HEPACAM2: variants seen among roughly 807,000 people sequenced by gnomAD.
HEPACAM2 encodes HEPACAM family member 2.
In HEPACAM2, 49 loss-of-function variants were observed where a neutral mutation model predicts 49.6. The observed-to-expected ratio is 0.99, with a 90% CI of 0.78 to 1.25. The LOEUF (loss-of-function observed/expected upper bound fraction) is 1.25, where lower values mean the gene tolerates loss of function less well. HEPACAM2 is among the 50% of genes most tolerant of loss of function. The pLI is 0.00. For missense variants in HEPACAM2, 525 were observed against 557.2 expected, an observed-to-expected ratio of 0.94 and a Z score of 0.58; for synonymous variants, 197 against 202.9, an observed-to-expected ratio of 0.97 and a Z score of 0.25.
At chr7:93,210,518 C>T (rs1794151847) in intron 3 of HEPACAM2, among the ~76,000 whole-genome samples, 2 of 151,806 alleles carry the variant, frequency 1.3e-5, no homozygotes, top group Non-Finnish European at 2.9e-5. Flanking sequence ...ACTAGTTCTA[C>T]AATCAATTAC....
chr7:93,203,478 A>T (rs575204773), intron 4 of HEPACAM2, among the ~76,000 whole-genome samples: 13 of 152,212 alleles, frequency 8.5e-5, no homozygotes, highest in Non-Finnish European at 1.5e-4. Context: ...ATGTATAGGG[A>T]TCACTTCTGC....
At chr7:93,195,777 TG>T in intron 8 of HEPACAM2, 50 bp downstream of exon 8, 1 of 1,396,266 alleles carries the variant, frequency 7.2e-7, no homozygotes, top group Non-Finnish European at 1.0e-6. Flanking sequence ...TTTACACCTC[TG>T]GTGAAGCAGA....
intron 4 of HEPACAM2, among the ~76,000 whole-genome samples, chr7:93,200,169 ATTAG>A (rs1200407598): frequency 2.0e-5 from 3 of 152,082 alleles, no homozygotes; most frequent in African/African-American, 7.2e-5. Context: ...TGTCTGTTTT[ATTAG>A]TTACTGAAAT....
rs1180053629 is a variant in HEPACAM2, at chr7:93,202,559, C to T, written c.1013-4949G>A. Among the ~76,000 whole-genome samples, 3 of 152,204 alleles carry T rather than the reference C, an allele frequency of 2.0e-5. No individual in the cohort carries two copies. The East Asian group carries it at 5.8e-4, about 29-fold the overall frequency. The stretch of plus-strand genomic sequence containing the variant: ...GACTTCATGTGCTTCAAATCTTTCA[C>T]TTCTTAATAGCCAGACTGCCATCAC... On this transcript the variant is annotated intron_variant, in intron 4 of 9. Coordinates refer to ENST00000394468, the MANE Select transcript of HEPACAM2 (RefSeq NM_001039372.4).
chr7:93,224,447 A>C (rs1273675480), intron 1 of HEPACAM2, among the ~76,000 whole-genome samples: 2 of 152,182 alleles, frequency 1.3e-5, no homozygotes, highest in Admixed American at 6.6e-5. Flanking sequence ...CTGTTAAAAA[A>C]ATCTTGACTT....
upstream of HEPACAM2, among the ~76,000 whole-genome samples, chr7:93,229,157 G>T (rs948337888): frequency 6.6e-6 from 1 of 152,160 alleles, no homozygotes; most frequent in African/African-American, 2.4e-5. Context: ...GGAAAGAAAT[G>T]TTTCTTATTG....
chr7:93,209,024 A>G lies in HEPACAM2; in HGVS notation c.716-148T>C, dbSNP rs1004284639. On this transcript the variant is annotated intron_variant, in intron 3 of 9. Coordinates refer to ENST00000394468, the MANE Select transcript of HEPACAM2 (RefSeq NM_001039372.4). The stretch of plus-strand genomic sequence containing the variant: ...AGGTCCTTGCTTAGACTCCCAATAA[A>G]TGATGAGGACCTAAATATGTTTTAT... The G allele has an allele frequency of 7.2e-6, 4 of 552,940 alleles. No individual in the cohort carries two copies. In the African/African-American group the frequency reaches 7.6e-5, roughly 11 times the overall value. 34.3% of individuals were successfully genotyped at this position (552,940 alleles called of 1,614,324 possible).
intron 2 of HEPACAM2, among the ~76,000 whole-genome samples, chr7:93,218,271 A>G (rs1247340201): frequency 6.6e-6 from 1 of 152,130 alleles, no homozygotes; most frequent in Admixed American, 6.5e-5. Flanking sequence ...GGAGGCAGGA[A>G]TAGAAGCAGG....
At chr7:93,221,365 C>T (rs973420009) in intron 1 of HEPACAM2, among the ~76,000 whole-genome samples, 3 of 152,114 alleles carry the variant, frequency 2.0e-5, no homozygotes, top group African/African-American at 7.2e-5. Context: ...GAAAGGGAGT[C>T]CTCAAGCTTC....
intron 8 of HEPACAM2, among the ~76,000 whole-genome samples, chr7:93,195,611 T>G (rs1240731064): frequency 6.6e-6 from 1 of 152,160 alleles, no homozygotes; most frequent in Non-Finnish European, 1.5e-5. Context: ...CATAACTTCC[T>G]TATTTGTGTT....
the HEPACAM2 span, chr7:93,232,243 T>G: frequency 2.0e-6 from 1 of 510,426 alleles, no homozygotes; most frequent in Non-Finnish European, 3.5e-6. Context: ...CTCTTTTGCT[T>G]GCTGGGAGAT....
chr7:93,211,180 T>C (rs1430234029), intron 3 of HEPACAM2, among the ~76,000 whole-genome samples: 1 of 152,074 alleles, frequency 6.6e-6, no homozygotes, highest in Non-Finnish European at 1.5e-5. Context: ...GACTAATCTA[T>C]GTTTTCTTTC....
chr7:93,207,227 G>A (rs1167584281), intron 4 of HEPACAM2, among the ~76,000 whole-genome samples: 1 of 152,084 alleles, frequency 6.6e-6, no homozygotes, highest in African/African-American at 2.4e-5. Context: ...GTGCTATAAA[G>A]GTGAAGAAAG....
rs1230948527 is a variant in HEPACAM2 at position 93,192,293 on chromosome 7, A to C, written c.1346T>G (p.Val449Gly). ...CTGCTGGGCAGGGATGTGCTGAATA[A>C]CTTCATACACTGTACTGTGCAAATC... ...GQDLHSTVYEVIQHIPAQQQD... is the reference protein window; with the variant it reads ...GQDLHSTVYEGIQHIPAQQQD... Residue 449 changes from valine (V) to glycine (G), a missense_variant, in exon 9 of 10, where the codon GTT becomes GGT. Coordinates refer to ENST00000394468, the MANE Select transcript of HEPACAM2 (RefSeq NM_001039372.4). The C allele has an allele frequency of 1.2e-6, 2 of 1,612,754 alleles. No homozygotes were observed. The highest frequency in any genetic ancestry group is 1.7e-6 in the Non-Finnish European group (2 of 1,179,196).
chr7:93,197,558 T>A lies in HEPACAM2; in HGVS notation c.1065A>T (p.Ile355=). The change falls in exon 5 of 10, where the codon ATA becomes ATT. Residue 355 remains isoleucine, a synonymous_variant. Transcript: ENST00000394468. ...TAATCAAAAATAGTGATATTCCAGT[T>A]ATACTTGCTAAAGGTGACAATGATT... is the stretch of plus-strand genomic sequence containing the variant. The part of the protein sequence containing the change: ...KGKSLSPLAS[I]TGISLFLIIS... 6.3e-7 allele frequency: 1 copy of A among 1,598,242 alleles called. No individual in the cohort carries two copies. The highest frequency in any genetic ancestry group is 8.6e-7 in the Non-Finnish European group (1 of 1,168,360).
Position 93,197,607 on chromosome 7 carries a change from A to C in HEPACAM2, c.1016T>G (p.Leu339Arg). ...TTTTCCTTTCTGTGCAAGCTTCTCCAGTCCTAAATAAAAAGATAAACATAT... is the reference window on the plus strand; with the variant it reads ...TTTTCCTTTCTGTGCAAGCTTCTCCCGTCCTAAATAAAAAGATAAACATAT... ...HFTVIITSVGLEKLAQKGKSL... is the reference protein window; with the variant it reads ...HFTVIITSVGREKLAQKGKSL... Residue 339 changes from leucine to arginine, a missense_variant, in exon 5 of 10, where the codon CTG becomes CGG. By Grantham distance (102) the Leu-to-Arg change is moderately radical (BLOSUM62 -2). Transcript: ENST00000394468. The C allele has an allele frequency of 6.4e-7, 1 of 1,567,198 alleles. No homozygotes were observed. The highest frequency in any genetic ancestry group is 8.6e-7 in the Non-Finnish European group (1 of 1,160,984).
At position 93,208,798 on chromosome 7, in the gene HEPACAM2, G is replaced by T. The variant is rs766426750; in HGVS notation, c.794C>A (p.Ala265Asp). 4.3e-6 allele frequency: 7 copies of T among 1,612,886 alleles called. No homozygotes were observed. The highest frequency in any genetic ancestry group is 5.9e-6 in the Non-Finnish European group (7 of 1,179,304). ...ATCAGCAGAACAATCAAATAGGATG[G>T]CCTCTCCAAGGTCAACAGTAAACAC... ...GEVFTVDLGE[A>D]ILFDCSADSH... The change falls in exon 4 of 10, where the codon GCC (alanine) becomes GAC (aspartate). Residue 265 changes from alanine to aspartate, a missense_variant. Physicochemically the swap from Ala to Asp is moderately radical, Grantham distance 126. Transcript: ENST00000394468.
In HEPACAM2 at chr7:93,192,294, C is replaced by T. The variant is rs756261397; in HGVS notation, c.1345G>A (p.Val449Ile). ...GQDLHSTVYE[V>I]IQHIPAQQQD... ...TGCTGGGCAGGGATGTGCTGAATAACTTCATACACTGTACTGTGCAAATCT... is the reference window on the plus strand; with the variant it reads ...TGCTGGGCAGGGATGTGCTGAATAATTTCATACACTGTACTGTGCAAATCT... Residue 449 changes from valine to isoleucine, a missense_variant, in exon 9 of 10, where the codon GTT becomes ATT. Transcript: ENST00000394468. The T allele has an allele frequency of 1.2e-6, 2 of 1,612,846 alleles. No homozygotes were observed. Among genetic ancestry groups the T allele is most frequent in the Non-Finnish European group, 1.7e-6 (2 of 1,179,188 alleles).
intron 1 of HEPACAM2, among the ~76,000 whole-genome samples, chr7:93,224,369 C>T (rs141858894): frequency 1.3e-5 from 2 of 151,826 alleles, no homozygotes; most frequent in Admixed American, 6.6e-5. Flanking sequence ...AATTTAAATT[C>T]GATTTTATTA....
Sources: gnomAD v4.1 joint callset for allele counts (sites outside exome capture counted in the v4.1 genomes callset) on GRCh38, gnomAD v4.1.1 for gene constraint, MANE v1.5 for transcripts, NCBI Gene and HGNC (gene_info 2026-07-23, HGNC 2026-07-21) for gene names.